Variants in FMN1 observed in about 807,000 individuals in gnomAD.
The protein encoded by FMN1 is formin-1.
Under a neutral mutation model 132.4 loss-of-function variants are expected in FMN1, and 110 were observed. That is an observed-to-expected ratio of 0.83 (90% CI 0.71 to 0.97). The LOEUF is 0.97. FMN1 is among the 50% of genes least tolerant of loss of function. The pLI is 0.00. For missense variants in FMN1, 1,792 were observed against 1,705.3 expected (o/e 1.05, Z -0.90); for synonymous variants, 722 against 651.7 (o/e 1.11, Z -1.64).
intron 9 of FMN1, among the ~76,000 whole-genome samples, chr15:32,952,263 T>A (rs1036823037): frequency 1.3e-5 from 2 of 152,262 alleles, no homozygotes; most frequent in Non-Finnish European, 2.9e-5. Context: ...TTAGGCGTTT[T>A]ACTGCTACAT....
At chr15:33,039,645 A>C (rs919345286) in intron 6 of FMN1, among the ~76,000 whole-genome samples, 15 of 152,200 alleles carry the variant, frequency 9.9e-5, no homozygotes, top group African/African-American at 3.6e-4. Context: ...GTGTAAATTC[A>C]AATTATCTCC....
intron 6 of FMN1, chr15:33,012,257 T>A (rs2034771509): frequency 4.2e-6 from 3 of 717,610 alleles, no homozygotes; most frequent in South Asian, 4.2e-5. Context: ...TGTGTGGTAA[T>A]GAGATCCAAA....
At chr15:32,785,650 T>C (rs1567163916) in intron 19 of FMN1, among the ~76,000 whole-genome samples, 2 of 152,150 alleles carry the variant, frequency 1.3e-5, no homozygotes, top group Non-Finnish European at 2.9e-5. Flanking sequence ...TTACTTGCTT[T>C]TGTATTGTAG....
At chr15:32,817,803 CAG>C (rs1419907883) in intron 17 of FMN1, among the ~76,000 whole-genome samples, 1 of 152,146 alleles carries the variant, frequency 6.6e-6, no homozygotes, top group African/African-American at 2.4e-5. Context: ...TGGAATCCTC[CAG>C]AGTCACCTTT....
At chr15:33,082,837 G>A (rs533928584) in intron 5 of FMN1, among the ~76,000 whole-genome samples, 113 of 150,920 alleles carry the variant, frequency 7.5e-4, no homozygotes, top group African/African-American at 2.6e-3. Flanking sequence ...GATAGAGTTA[G>A]TTAATAAAAT....
chr15:32,785,654 A>G (rs2056853576), intron 19 of FMN1, among the ~76,000 whole-genome samples: 1 of 152,160 alleles, frequency 6.6e-6, no homozygotes, highest in Non-Finnish European at 1.5e-5. Context: ...TTGCTTTTGT[A>G]TTGTAGACAA....
intron 17 of FMN1, among the ~76,000 whole-genome samples, chr15:32,825,443 G>T (rs569523718): frequency 6.6e-6 from 1 of 152,128 alleles, no homozygotes; most frequent in Non-Finnish European, 1.5e-5. Context: ...TTCTGCGTAC[G>T]ATGTGTTTTT....
intron 4 of FMN1, among the ~76,000 whole-genome samples, chr15:33,122,083 C>T (rs960214004): frequency 6.6e-6 from 1 of 152,170 alleles, no homozygotes; most frequent in African/African-American, 2.4e-5. Flanking sequence ...GAATACTACT[C>T]TGGAAGTGCA....
intron 10 of FMN1, among the ~76,000 whole-genome samples, chr15:32,911,350 C>T (rs936575260): frequency 3.6e-5 from 5 of 139,902 alleles, no homozygotes; most frequent in Admixed American, 7.0e-5. Context: ...TCAACCCTAC[C>T]TCCCTTCCCT....
intron 4 of FMN1, among the ~76,000 whole-genome samples, chr15:33,135,669 C>G (rs895967537): frequency 5.9e-5 from 9 of 152,204 alleles, no homozygotes; most frequent in African/African-American, 2.2e-4. Flanking sequence ...TAAGATGGGA[C>G]TCTCTCTGTT....
At chr15:33,077,793 C>CA (rs796706510) in intron 5 of FMN1, among the ~76,000 whole-genome samples, 59,401 of 114,802 alleles carry the variant, frequency 0.52, 13,995 homozygotes, top group Non-Finnish European at 0.59. Flanking sequence ...AACAAATTTA[C>CA]AAAAAAAAAA....
intron 4 of FMN1, among the ~76,000 whole-genome samples, chr15:33,139,335 G>A (rs1035274518): frequency 9.2e-5 from 14 of 152,294 alleles, no homozygotes; most frequent in African/African-American, 3.4e-4. Context: ...GGTGGCGCAC[G>A]CCTGTAATCT....
At chr15:33,167,177 C>G (rs117223992) in intron 3 of FMN1, among the ~76,000 whole-genome samples, 2 of 152,122 alleles carry the variant, frequency 1.3e-5, no homozygotes. Flanking sequence ...ATAATCCCCA[C>G]GTGTCATGGG....
At chr15:32,862,026 C>A (rs555845419) in intron 16 of FMN1, among the ~76,000 whole-genome samples, 1 of 152,192 alleles carries the variant, frequency 6.6e-6, no homozygotes, top group South Asian at 2.1e-4. Flanking sequence ...AAGGAGAGGG[C>A]TGCCCTCCGA....
chr15:33,127,635 T>C (rs910985059), intron 4 of FMN1, among the ~76,000 whole-genome samples: 1 of 136,218 alleles, frequency 7.3e-6, no homozygotes, highest in Non-Finnish European at 1.6e-5. Context: ...TATTTTCCAA[T>C]CAAACTCAGC....
At position 32,771,240 on chromosome 15, in the gene FMN1, G is replaced by C. The variant is rs865783208; in HGVS notation, c.*3070C>G. 3 of 151,522 alleles carry C rather than the reference G, an allele frequency of 2.0e-5. No homozygotes were observed. Among genetic ancestry groups the C allele is most frequent in the Non-Finnish European group, 2.9e-5 (2 of 67,928 alleles). The allele number at this position is 151,522 out of a possible 1,614,324, so 9.4% of individuals were successfully genotyped here. On this transcript the variant is annotated 3_prime_UTR_variant, in exon 21 of 21. Coordinates refer to ENST00000616417, the MANE Select transcript of FMN1 (RefSeq NM_001277313.2). Reference sequence around the variant, plus strand: ...ACTACAGGCGCCCACCACCACGCCCGGCTAATTTTTTGTATTTTTAGTAGA... The same window carrying C: ...ACTACAGGCGCCCACCACCACGCCCCGCTAATTTTTTGTATTTTTAGTAGA...
Position 33,154,122 on chromosome 15 carries a change from C to G in FMN1, c.793G>C (p.Glu265Gln). ...GAGCTGCAGTCAGGGGGCAGCACTT[C>G]TCTTCCAAGCCCAGTGTCCTTGAAA... ...TAFKDTGLGREVLPPDCSSTE... is the reference protein window; with the variant it reads ...TAFKDTGLGRQVLPPDCSSTE... Residue 265 changes from glutamate to glutamine, a missense_variant, in exon 4 of 21, where the codon GAA (glutamate) becomes CAA (glutamine). Physicochemically the swap from Glu to Gln is conservative, Grantham distance 29. This residue lies in a region of FMN1 where 638 missense variants were observed against 645.2 expected (regional missense o/e 0.99). Coordinates refer to ENST00000616417, the MANE Select transcript of FMN1 (RefSeq NM_001277313.2). 6.5e-7 allele frequency: 1 copy of G among 1,536,270 alleles called. No individual in the cohort carries two copies. The highest frequency in any genetic ancestry group is 8.7e-7 in the Non-Finnish European group (1 of 1,146,896).
intron 4 of FMN1, among the ~76,000 whole-genome samples, chr15:33,122,972 G>GA (rs1566935780): frequency 2.0e-5 from 3 of 151,940 alleles, no homozygotes; most frequent in Non-Finnish European, 1.5e-5. Flanking sequence ...TATCCTGCTA[G>GA]GTAATTAATG....
At chr15:32,866,590 T>C (rs1225653821) in intron 16 of FMN1, among the ~76,000 whole-genome samples, 5 of 152,150 alleles carry the variant, frequency 3.3e-5, no homozygotes, top group African/African-American at 7.2e-5. Context: ...TGTTTGTGTG[T>C]TTAATAAACA....
Sources: gnomAD v4.1 joint callset for allele counts (sites outside exome capture counted in the v4.1 genomes callset) on GRCh38, gnomAD v4.1.1 for gene constraint, gnomAD v4.1.1 regional missense constraint, MANE v1.5 for transcripts, NCBI Gene and HGNC (gene_info 2026-07-23, HGNC 2026-07-21) for gene names.